The following PAAF1 variants were observed in gnomAD, a reference collection of about 807,000 sequenced individuals.
The protein encoded by PAAF1 is proteasomal ATPase associated factor 1.
Under a neutral mutation model 52.8 loss-of-function variants are expected in PAAF1, and 46 were observed. That is an observed-to-expected ratio of 0.87 (90% CI 0.69 to 1.11). The LOEUF is 1.11. PAAF1 is among the 50% of genes most tolerant of loss of function. The pLI is 0.00. For missense variants in PAAF1, 424 were observed against 477.4 expected (o/e 0.89, Z 1.04); for synonymous variants, 178 against 172.8 (o/e 1.03, Z -0.24).
chr11:73,915,239 A>T (rs1370130259), intron 8 of PAAF1, among the ~76,000 whole-genome samples: 1 of 152,132 alleles, frequency 6.6e-6, no homozygotes, highest in Non-Finnish European at 1.5e-5. Context: ...GCTATATGTA[A>T]AATGATGAAG....
intron 4 of PAAF1, among the ~76,000 whole-genome samples, chr11:73,896,042 A>G (rs1433023662): frequency 2.0e-5 from 3 of 152,208 alleles, no homozygotes; most frequent in Admixed American, 2.0e-4. Context: ...CTGAGAGGCT[A>G]AGGCTGTAGT....
At chr11:73,880,277 C>G (rs2135120394) in intron 2 of PAAF1, 1 of 152,014 alleles carries the variant, frequency 6.6e-6, no homozygotes, top group South Asian at 2.1e-4. Flanking sequence ...AAAAAAGAAA[C>G]ACACACACAA....
chr11:73,931,001 G>A lies in PAAF1; in HGVS notation c.*3639G>A, dbSNP rs1280432157. 1 of 152,008 alleles carries A rather than the reference G, an allele frequency of 6.6e-6. No homozygotes were observed. The highest frequency in any genetic ancestry group is 1.5e-5 in the Non-Finnish European group (1 of 68,018). The allele number at this position is 152,008 out of a possible 1,614,324, so 9.4% of individuals were successfully genotyped here. ...ATTTGAGGTGATGGATATGTTAACT[G>A]GCTTCATTTAATTATTCCATATTGT... On this transcript the variant is annotated 3_prime_UTR_variant, in exon 12 of 12. Coordinates refer to ENST00000310571, the MANE Select transcript of PAAF1 (RefSeq NM_025155.3).
intron 2 of PAAF1, chr11:73,880,201 C>T (rs1948853881): frequency 6.6e-6 from 1 of 151,888 alleles, no homozygotes; most frequent in African/African-American, 2.4e-5. Context: ...CTACCCTGGA[C>T]AAGGGTAGCC....
intron 4 of PAAF1, among the ~76,000 whole-genome samples, chr11:73,895,489 A>T (rs1949320353): frequency 6.6e-6 from 1 of 152,258 alleles, no homozygotes; most frequent in African/African-American, 2.4e-5. Flanking sequence ...AAGCAAAATG[A>T]AGAAGAAAAG....
At chr11:73,879,965 C>T (rs1275807279) in intron 2 of PAAF1, 4 of 151,602 alleles carry the variant, frequency 2.6e-5, no homozygotes, top group African/African-American at 7.3e-5. Context: ...TAAGGCCAGA[C>T]GTGGGGGCTC....
intron 9 of PAAF1, among the ~76,000 whole-genome samples, chr11:73,918,051 G>A (rs1322170945): frequency 6.6e-6 from 1 of 152,178 alleles, no homozygotes; most frequent in Non-Finnish European, 1.5e-5. Context: ...CCAAGGAAAT[G>A]AGAAACATTG....
intron 2 of PAAF1, among the ~76,000 whole-genome samples, chr11:73,884,253 A>G (rs1188458275): frequency 6.6e-6 from 1 of 152,178 alleles, no homozygotes. Context: ...TAATCCAAGC[A>G]CTTTGGGAGG....
chr11:73,897,201 C>T (rs1187465146), intron 4 of PAAF1, among the ~76,000 whole-genome samples: 1 of 137,772 alleles, frequency 7.3e-6, no homozygotes, highest in Non-Finnish European at 1.6e-5. Flanking sequence ...CCCCACCTCC[C>T]TCCCGGACGG....
At chr11:73,910,226 T>A (rs1949891103) in intron 7 of PAAF1, among the ~76,000 whole-genome samples, 1 of 152,144 alleles carries the variant, frequency 6.6e-6, no homozygotes, top group South Asian at 2.1e-4. Flanking sequence ...CCTGGCAAAT[T>A]AGCAAGTCCT....
intron 4 of PAAF1, among the ~76,000 whole-genome samples, chr11:73,895,914 C>T (rs941151949): frequency 3.3e-5 from 5 of 152,226 alleles, no homozygotes; most frequent in Admixed American, 3.3e-4. Flanking sequence ...CAAGACCACC[C>T]TGGGCAACAT....
At chr11:73,917,743 G>A (rs1193958188) in intron 9 of PAAF1, among the ~76,000 whole-genome samples, 1 of 152,130 alleles carries the variant, frequency 6.6e-6, no homozygotes, top group Non-Finnish European at 1.5e-5. Flanking sequence ...ATGGTGGCAC[G>A]TACCTATAAT....
intron 2 of PAAF1, among the ~76,000 whole-genome samples, chr11:73,885,004 C>T (rs1452497419): frequency 4.7e-5 from 7 of 150,156 alleles, no homozygotes; most frequent in African/African-American, 7.3e-5. Flanking sequence ...GGACTACAGG[C>T]GCCCGCCACT....
rs112764024 is a variant in PAAF1 at position 73,921,072 on chromosome 11, G to C, written c.1018+2040G>C. Among the ~76,000 whole-genome samples, 753 of 152,104 alleles carry C rather than the reference G, an allele frequency of 5.0e-3. 6 individuals carry two copies. The highest frequency in any genetic ancestry group is 0.017 in the African/African-American group (721 of 41,494). On this transcript the variant is annotated intron_variant, in intron 10 of 11. Transcript: ENST00000310571. Reference sequence around the variant, plus strand: ...CCCAGCACTTTGGGAGGTCAAGGCGGGTGGATCAGCTGAGGTCAGGAGTTT... The same window carrying C: ...CCCAGCACTTTGGGAGGTCAAGGCGCGTGGATCAGCTGAGGTCAGGAGTTT...
intron 3 of PAAF1, among the ~76,000 whole-genome samples, chr11:73,890,904 A>G (rs1949181310): frequency 6.6e-6 from 1 of 152,206 alleles, no homozygotes; most frequent in Admixed American, 6.5e-5. Context: ...TCTTAGCAAT[A>G]CCAAATTACA....
intron 11 of PAAF1, among the ~76,000 whole-genome samples, chr11:73,926,622 T>C (rs943526470): frequency 3.3e-5 from 5 of 152,070 alleles, no homozygotes; most frequent in African/African-American, 7.2e-5. Context: ...GGCAGGAGAA[T>C]GGCGTGAACC....
At chr11:73,896,982 AC>A (rs551564699) in intron 4 of PAAF1, among the ~76,000 whole-genome samples, 8 of 114,234 alleles carry the variant, frequency 7.0e-5, no homozygotes, top group Non-Finnish European at 1.3e-4. Context: ...GGGGGGGCTG[AC>A]CCCCCCACCT....
intron 2 of PAAF1, among the ~76,000 whole-genome samples, chr11:73,884,756 T>G (rs561510248): frequency 1.3e-5 from 2 of 152,328 alleles, no homozygotes; most frequent in South Asian, 4.1e-4. Context: ...AGACTTTGAG[T>G]TTCTCTGGGA....
intron 1 of PAAF1, among the ~76,000 whole-genome samples, chr11:73,877,552 G>T (rs1948777785): frequency 6.6e-6 from 1 of 152,284 alleles, no homozygotes; most frequent in East Asian, 1.9e-4. Flanking sequence ...GAGCTCAGAT[G>T]TATACTCTAA....
Sources: gnomAD v4.1 joint callset for allele counts (sites outside exome capture counted in the v4.1 genomes callset) on GRCh38, gnomAD v4.1.1 for gene constraint, MANE v1.5 for transcripts, NCBI Gene and HGNC (gene_info 2026-07-23, HGNC 2026-07-21) for gene names.